PDZRN4: variants seen among roughly 807,000 people sequenced by gnomAD.
The protein encoded by PDZRN4 is PDZ domain containing ring finger 4.
Under a neutral mutation model 99.0 loss-of-function variants are expected in PDZRN4, and 70 were observed. The observed-to-expected ratio is 0.71, with a 90% CI of 0.58 to 0.86. PDZRN4 has a LOEUF of 0.86. Ranked by LOEUF, PDZRN4 falls within the 40% of genes least tolerant of loss-of-function variation. The probability of loss-of-function intolerance (pLI) is 0.00; values close to 1 mark genes in which losing one functional copy is unlikely to be tolerated. For missense variants in PDZRN4, 1,474 were observed against 1,331.2 expected (o/e 1.11, Z -1.67); for synonymous variants, 551 against 501.6 (o/e 1.10, Z -1.32).
At chr12:41,221,353 A>G (rs1301895168) in intron 3 of PDZRN4, among the ~76,000 whole-genome samples, 3 of 152,188 alleles carry the variant, frequency 2.0e-5, no homozygotes, top group Non-Finnish European at 4.4e-5. Context: ...ATATTGCATC[A>G]ACTTATATGA....
intron 3 of PDZRN4, among the ~76,000 whole-genome samples, chr12:41,274,618 C>T (rs1467903782): frequency 6.6e-6 from 1 of 152,102 alleles, no homozygotes; most frequent in Non-Finnish European, 1.5e-5. Flanking sequence ...CTCTTGTATC[C>T]CTAGACACTA....
intron 3 of PDZRN4, among the ~76,000 whole-genome samples, chr12:41,465,187 C>A (rs537984112): frequency 6.6e-6 from 1 of 152,316 alleles, no homozygotes; most frequent in East Asian, 1.9e-4. Context: ...ATGCCCCTAA[C>A]TCTACTCCTT....
chr12:41,225,066 TCTC>T (rs1367384500), intron 3 of PDZRN4, among the ~76,000 whole-genome samples: 2 of 152,090 alleles, frequency 1.3e-5, no homozygotes, highest in African/African-American at 4.8e-5. Flanking sequence ...TATATACAGT[TCTC>T]CTGTCTCCAG....
At chr12:41,230,141 A>G (rs1011835950) in intron 3 of PDZRN4, among the ~76,000 whole-genome samples, 1 of 152,040 alleles carries the variant, frequency 6.6e-6, no homozygotes, top group East Asian at 1.9e-4. Context: ...GCACTATGTC[A>G]GCACAATTTA....
At chr12:41,421,975 T>C (rs1952494259) in intron 3 of PDZRN4, among the ~76,000 whole-genome samples, 1 of 152,208 alleles carries the variant, frequency 6.6e-6, no homozygotes, top group Non-Finnish European at 1.5e-5. Context: ...GATTTATTTA[T>C]TTAATTATTT....
chr12:41,212,489 G>C (rs76278198), intron 3 of PDZRN4, among the ~76,000 whole-genome samples: 2 of 151,810 alleles, frequency 1.3e-5, no homozygotes, highest in East Asian at 3.9e-4. Flanking sequence ...TACTTGTCTG[G>C]AATTAAATTG....
At chr12:41,363,826 G>A (rs1029065856) in intron 3 of PDZRN4, among the ~76,000 whole-genome samples, 2 of 152,050 alleles carry the variant, frequency 1.3e-5, no homozygotes, top group African/African-American at 4.8e-5. Context: ...AGAAAATGAC[G>A]ACTACCTTCC....
At chr12:41,566,709 T>A (rs1353974432) in intron 8 of PDZRN4, among the ~76,000 whole-genome samples, 1 of 152,198 alleles carries the variant, frequency 6.6e-6, no homozygotes. Context: ...CAGTTTGTTT[T>A]TAAGTTGTAG....
At chr12:41,348,280 G>A (rs1452454861) in intron 3 of PDZRN4, among the ~76,000 whole-genome samples, 1 of 152,048 alleles carries the variant, frequency 6.6e-6, no homozygotes, top group Non-Finnish European at 1.5e-5. Flanking sequence ...AGTTTGGCTA[G>A]CAAAACTCTG....
intron 5 of PDZRN4, among the ~76,000 whole-genome samples, chr12:41,549,146 C>T (rs1016691640): frequency 6.6e-6 from 1 of 152,136 alleles, no homozygotes; most frequent in African/African-American, 2.4e-5. Flanking sequence ...TTTGTATACA[C>T]TCATGAATTG....
Position 41,506,645 on chromosome 12 carries a change from G to C in PDZRN4, c.1033G>C (p.Ala345Pro), listed in dbSNP as rs1020874064. ...GGACATCACCTTCGAACACATCATG[G>C]CTCTGGCCAAGCTTCGTCCACCTAC... ...QTDITFEHIM[A>P]LAKLRPPTPP... is the part of the protein sequence containing the mutation. The change falls in exon 4 of 10, where the codon GCT (alanine) becomes CCT (proline). Residue 345 changes from alanine (A) to proline (P), a missense_variant. Ala to Pro is a conservative substitution (Grantham distance 27, BLOSUM62 -1). Coordinates refer to ENST00000402685, the MANE Select transcript of PDZRN4 (RefSeq NM_001164595.2). 6.2e-7 allele frequency: 1 copy of C among 1,613,818 alleles called. No individual in the cohort carries two copies. The highest frequency in any genetic ancestry group is 8.5e-7 in the Non-Finnish European group (1 of 1,179,832).
At chr12:41,478,374 C>G (rs1464655429) in intron 3 of PDZRN4, among the ~76,000 whole-genome samples, 1 of 152,052 alleles carries the variant, frequency 6.6e-6, no homozygotes, top group Non-Finnish European at 1.5e-5. Flanking sequence ...TCTCAGCCTC[C>G]CAAAGTGCTG....
At chr12:41,381,362 T>C (rs1367455748) in intron 3 of PDZRN4, among the ~76,000 whole-genome samples, 1 of 151,984 alleles carries the variant, frequency 6.6e-6, no homozygotes, top group Admixed American at 6.6e-5. Context: ...ATTTCCATAA[T>C]ATATAGTTTT....
At chr12:41,233,685 A>G (rs1951045804) in intron 3 of PDZRN4, among the ~76,000 whole-genome samples, 1 of 152,044 alleles carries the variant, frequency 6.6e-6, no homozygotes, top group Admixed American at 6.6e-5. Flanking sequence ...AACTATTGCA[A>G]GGACAAAAAA....
At position 41,188,384 on chromosome 12, in the gene PDZRN4, G is replaced by C; in HGVS notation, c.-72G>C. On this transcript the variant is annotated 5_prime_UTR_variant, in exon 1 of 10. Coordinates refer to ENST00000402685, the MANE Select transcript of PDZRN4 (RefSeq NM_001164595.2). ...CCGCGAGACGGCTGCCCCGGGGGTG[G>C]CCCGGGGAAGGCAGGGGGGCTCGGA... 1 of 1,373,140 alleles carries C rather than the reference G, an allele frequency of 7.3e-7. No individual in the cohort carries two copies. The highest frequency in any genetic ancestry group is 2.3e-4 in the Middle Eastern group (1 of 4,322). 85.1% of individuals were successfully genotyped at this position (1,373,140 alleles called of 1,614,324 possible). A position where few individuals can be genotyped will look rare whatever the true frequency, so the allele number is the denominator to read the frequency against.
At chr12:41,381,990 G>A (rs1226553727) in intron 3 of PDZRN4, among the ~76,000 whole-genome samples, 2 of 152,156 alleles carry the variant, frequency 1.3e-5, no homozygotes, top group Admixed American at 6.5e-5. Context: ...CATGCTCTCA[G>A]TTTAGGTTTG....
At chr12:41,520,619 GACAC>G (rs10580466) in intron 5 of PDZRN4, among the ~76,000 whole-genome samples, 17,947 of 137,136 alleles carry the variant, frequency 0.13, 1,383 homozygotes, top group African/African-American at 0.23. Context: ...CCTAAATACA[GACAC>G]ACACACACAC....
intron 3 of PDZRN4, among the ~76,000 whole-genome samples, chr12:41,358,681 T>A (rs1364218491): frequency 1.3e-5 from 2 of 151,998 alleles, no homozygotes; most frequent in East Asian, 3.9e-4. Context: ...GAAACTTGAA[T>A]ATATTTAACA....
At chr12:41,546,140 C>T (rs1592106050) in intron 5 of PDZRN4, among the ~76,000 whole-genome samples, 1 of 152,146 alleles carries the variant, frequency 6.6e-6, no homozygotes, top group East Asian at 1.9e-4. Context: ...ACAGGGAAAG[C>T]AGTCACTATG....
Sources: allele counts gnomAD v4.1 joint callset (sites outside exome capture counted in the v4.1 genomes callset), GRCh38; gene constraint gnomAD v4.1.1; transcripts MANE v1.5; gene names NCBI Gene and HGNC (gene_info 2026-07-23, HGNC 2026-07-21).